IGSF8: variants seen among roughly 807,000 people sequenced by gnomAD.
The protein encoded by IGSF8 is CD81 partner 3.
Under a neutral mutation model 55.5 loss-of-function variants are expected in IGSF8, and 46 were observed. That is an observed-to-expected ratio of 0.83 (90% CI 0.65 to 1.06). IGSF8 has a LOEUF of 1.06. Among genes scored for constraint, IGSF8 ranks in the 50% least tolerant of loss-of-function variants. IGSF8 has a pLI of 0.00. For synonymous variants in IGSF8, 314 were observed against 356.1 expected (o/e 0.88, Z 1.33); for missense variants, 731 against 832.3 (o/e 0.88, Z 1.50).
At chr1:160,092,140 G>A (rs543119086) in intron 5 of IGSF8, 142 bp downstream of exon 5, 64 of 1,025,088 alleles carry the variant, frequency 6.2e-5, no homozygotes, top group Non-Finnish European at 9.1e-5. Context: ...TGCAGGGCTG[G>A]AAGTTGGATT....
In IGSF8 at chr1:160,094,489, G is replaced by A. The variant is rs770631229; in HGVS notation, c.443-318C>T. 7.9e-5 allele frequency among the ~76,000 whole-genome samples: 12 copies of A among 152,150 alleles called. No homozygotes were observed. The highest frequency in any genetic ancestry group is 1.5e-4 in the Non-Finnish European group (10 of 68,044). On this transcript the variant is annotated intron_variant, in intron 2 of 6. Coordinates refer to ENST00000314485, the MANE Select transcript of IGSF8 (RefSeq NM_052868.6). This position sits in a 1 kb window ranked among gnomAD's most constrained non-coding sequence, Gnocchi z 4.0. ...CAAAGAAACTTAAGAGAGTGAGAAT[G>A]TCACATGGTCTAACTCCTTCCCTAA...
chr1:160,097,967 C>T (rs1650555549), intron 1 of IGSF8: 4 of 985,376 alleles, frequency 4.1e-6, no homozygotes, highest in African/African-American at 3.5e-5. Context: ...AGATCGTGGG[C>T]AGAACTGGCC....
chr1:160,093,797 C>T lies in IGSF8; in HGVS notation c.817G>A (p.Ala273Thr), dbSNP rs142411779. 374 of 1,613,886 alleles carry T rather than the reference C, an allele frequency of 2.3e-4. 2 individuals are homozygous for T. In the Middle Eastern group the frequency reaches 2.6e-3, roughly 11 times the overall value. Residue 273 changes from alanine to threonine, a missense_variant, in exon 3 of 7, where the codon GCT (alanine) becomes ACT (threonine). Ala to Thr is a moderately conservative substitution (Grantham distance 58). Transcript: ENST00000314485. The part of the protein sequence containing the change: ...GDAGTYHCTA[A>T]EWIQDPDGSW... ...CCATCAGGATCCTGAATCCACTCAG[C>T]GGCAGTGCAGTGGTAGGTGCCTGCG...
At chr1:160,092,177 G>T in intron 5 of IGSF8, 105 bp downstream of exon 5, 2 of 1,240,484 alleles carry the variant, frequency 1.6e-6, no homozygotes, top group Non-Finnish European at 1.2e-6. Context: ...GACATAATGT[G>T]GAGGAGAGAG....
At chr1:160,098,139 TG>T (rs530740124) in intron 1 of IGSF8, among the ~76,000 whole-genome samples, 56 of 152,354 alleles carry the variant, frequency 3.7e-4, no homozygotes, top group African/African-American at 1.3e-3. Context: ...CTGAGATGTG[TG>T]GCCTGCCCCG....
chr1:160,098,245 C>T (rs1650575112), intron 1 of IGSF8, among the ~76,000 whole-genome samples, 164 bp downstream of exon 1: 1 of 152,240 alleles, frequency 6.6e-6, no homozygotes, highest in Admixed American at 6.5e-5. Context: ...CTTCCCAAGA[C>T]TGGCTCGGCG....
chr1:160,092,595 TG>T lies in IGSF8; in HGVS notation c.1412del (p.Pro471GlnfsTer30), dbSNP rs771020801. The stretch of plus-strand genomic sequence containing the variant: ...ACCAGCTGGCGGCCAGCCGCAGTCC[TG>T]GGGGGCCACCCCGCACAGAGATGTT... ...LCNISVRGGPPGLRLAASWWV... is the reference protein window; with the variant it reads ...LCNISVRGGPXGLRLAASWWV... On this transcript the variant is annotated frameshift_variant, in exon 5 of 7. Coordinates refer to ENST00000314485, the MANE Select transcript of IGSF8 (RefSeq NM_052868.6). LOFTEE classifies it high-confidence loss of function. The T allele has an allele frequency of 3.1e-6, 5 of 1,608,180 alleles. No individual in the cohort carries two copies. The highest frequency in any genetic ancestry group is 3.4e-6 in the Non-Finnish European group (4 of 1,179,856).
At chr1:160,093,654 C>T in intron 3 of IGSF8, 56 bp downstream of exon 3, 1 of 1,420,414 alleles carries the variant, frequency 7.0e-7, no homozygotes, top group Admixed American at 2.0e-5. Context: ...GCCACAGTGC[C>T]CACCAGGATA....
Position 160,091,461 on chromosome 1 carries a change from GA to G in IGSF8, c.*162del. 1 of 248,210 alleles carries G rather than the reference GA, an allele frequency of 4.0e-6. No individual in the cohort carries two copies. The highest frequency in any genetic ancestry group is 7.9e-6 in the Non-Finnish European group (1 of 127,382). The allele number at this position is 248,210 out of a possible 1,614,324, so 15.4% of individuals were successfully genotyped here. ...AGGCCAGAGGGAGGGGCTTGGGAGG[GA>G]AGGAGTGGGGAAGGGGAGGCACGTC... On this transcript the variant is annotated 3_prime_UTR_variant, in exon 7 of 7. Coordinates refer to ENST00000314485, the MANE Select transcript of IGSF8 (RefSeq NM_052868.6).
chr1:160,095,322 T>C (rs1365070036), intron 1 of IGSF8, 76 bp from the exon 2 acceptor site: 2 of 1,414,014 alleles, frequency 1.4e-6, no homozygotes, highest in Non-Finnish European at 1.9e-6. Flanking sequence ...AGCACCATTC[T>C]TGATCTCTGC....
chr1:160,092,556 T>C lies in IGSF8; in HGVS notation c.1452A>G (p.Pro484=). The change falls in exon 5 of 7, where the codon CCA becomes CCG. Residue 484 remains proline, a synonymous_variant. Transcript: ENST00000314485. ...GGACAGAGCTGAGCTCTCCGTCCTC[T>C]GGTCGCTCCACCCACCAGCTGGCGG... ...RLAASWWVER[P]EDGELSSVPA... 1 of 1,611,168 alleles carries C rather than the reference T, an allele frequency of 6.2e-7. No homozygotes were observed. The highest frequency in any genetic ancestry group is 1.3e-5 in the African/African-American group (1 of 75,064).
At position 160,093,216 on chromosome 1, in the gene IGSF8, T is replaced by C. The variant is rs769060500; in HGVS notation, c.1020A>G (p.Ala340=). Residue 340 remains alanine, a synonymous_variant, in exon 4 of 7, where the codon GCA becomes GCG. Transcript: ENST00000314485. ...GTGCCATCTCCCAACCTACAGAGTA[T>C]GCAGCATGACGGCCTGCTGGGGGAA... ...GALPPAGRHA[A]YSVGWEMAPA... 20 of 1,614,062 alleles carry C rather than the reference T, an allele frequency of 1.2e-5. No individual in the cohort carries two copies. In the South Asian group the frequency reaches 1.9e-4, roughly 15 times the overall value.
Position 160,092,992 on chromosome 1 carries a change from G to A in IGSF8, c.1244C>T (p.Ser415Phe). 6.2e-7 allele frequency: 1 copy of A among 1,613,840 alleles called. No individual in the cohort carries two copies. The highest frequency in any genetic ancestry group is 8.5e-7 in the Non-Finnish European group (1 of 1,179,726). The change falls in exon 4 of 7, where the codon TCT becomes TTT. Residue 415 changes from serine to phenylalanine, a missense_variant. By Grantham distance (155) the Ser-to-Phe change is radical. Coordinates refer to ENST00000314485, the MANE Select transcript of IGSF8 (RefSeq NM_052868.6). ...RCLAKAYVRGSGTRLREAASA... is the reference protein window; with the variant it reads ...RCLAKAYVRGFGTRLREAASA... ...GGCTGCTTCACGAAGCCGGGTCCCAGACCCTCGAACATAGGCTTTGGCGAG... is the reference window on the plus strand; with the variant it reads ...GGCTGCTTCACGAAGCCGGGTCCCAAACCCTCGAACATAGGCTTTGGCGAG...
Position 160,094,169 on chromosome 1 carries a change from GA to G in IGSF8, c.444del (p.Leu149PhefsTer26). 6.3e-7 allele frequency: 1 copy of G among 1,586,536 alleles called. No homozygotes were observed. The highest frequency in any genetic ancestry group is 8.5e-7 in the Non-Finnish European group (1 of 1,169,814). ...GCAGACACCTGGAGGACATCTGGAA[GA>G]ACTGGAGAGAACAGCTGGAGTGAGG... ...GSYSGKVELR[V>X]LPDVLQVSAA... On this transcript the variant is annotated frameshift_variant and splice_region_variant, in exon 3 of 7. Coordinates refer to ENST00000314485, the MANE Select transcript of IGSF8 (RefSeq NM_052868.6). LOFTEE classifies it high-confidence loss of function. The surrounding 1 kb of genome is among the most constrained non-coding windows in gnomAD (Gnocchi z 4.0).
chr1:160,095,632 G>A (rs753560941), intron 1 of IGSF8, among the ~76,000 whole-genome samples: 11 of 152,236 alleles, frequency 7.2e-5, no homozygotes, highest in Non-Finnish European at 1.3e-4. Context: ...CTGGCAAGGG[G>A]AGCCTTCTGG....
chr1:160,092,458 A>G lies in IGSF8; in HGVS notation c.1550T>C (p.Val517Ala). 1 of 1,613,130 alleles carries G rather than the reference A, an allele frequency of 6.2e-7. No homozygotes were observed. Among genetic ancestry groups the G allele is most frequent in the Non-Finnish European group, 8.5e-7 (1 of 1,179,498 alleles). The change falls in exon 5 of 7, where the codon GTC becomes GCC. Residue 517 changes from valine (V) to alanine (A), a missense_variant. Physicochemically the swap from Val to Ala is moderately conservative, Grantham distance 64. Coordinates refer to ENST00000314485, the MANE Select transcript of IGSF8 (RefSeq NM_052868.6). ...ELGVRPGGGP[V>A]SVELVGPRSH... ...TCGGGGCCCCACCAGCTCTACGCTG[A>G]CAGGGCCTCCTCCAGGCCGGACTCC... is the stretch of plus-strand genomic sequence containing the variant.
chr1:160,095,281 G>A, intron 1 of IGSF8, 35 bp from the exon 2 acceptor site: 1 of 1,571,328 alleles, frequency 6.4e-7, no homozygotes, highest in Non-Finnish European at 8.6e-7. Flanking sequence ...GGAGATGCCT[G>A]GTTCCTCATT....
At chr1:160,098,788 T>G, upstream of IGSF8, 1 of 249,552 alleles carries the variant, frequency 4.0e-6, no homozygotes, top group Non-Finnish European at 7.0e-6. Flanking sequence ...ACTCCGGCCT[T>G]TGCTCCGCAC....
Position 160,098,592 on chromosome 1 carries a change from C to A in IGSF8, c.-120G>T. 1 of 654,266 alleles carries A rather than the reference C, an allele frequency of 1.5e-6. No individual in the cohort carries two copies. The highest frequency in any genetic ancestry group is 2.0e-5 in the South Asian group (1 of 51,278). 40.5% of individuals were successfully genotyped at this position (654,266 alleles called of 1,614,324 possible). A position where few individuals can be genotyped will look rare whatever the true frequency, so the allele number is the denominator to read the frequency against. ...GCGGGGCAGCGAGGCGTGGGTGCGC[C>A]GAGCGAGCTGAACTGGAGCTGCCGA... On this transcript the variant is annotated 5_prime_UTR_variant, in exon 1 of 7. Transcript: ENST00000314485.
Sources: allele counts gnomAD v4.1 joint callset (sites outside exome capture counted in the v4.1 genomes callset), GRCh38; gene constraint gnomAD v4.1.1; non-coding constraint Gnocchi (gnomAD v3.1); transcripts MANE v1.5; gene names NCBI Gene and HGNC (gene_info 2026-07-23, HGNC 2026-07-21).